The following ANKS1B variants were observed in gnomAD, a reference collection of about 807,000 sequenced individuals.
The protein encoded by ANKS1B is ankyrin repeat and sterile alpha motif domain containing 1B.
Under a neutral mutation model 148.3 loss-of-function variants are expected in ANKS1B, and 36 were observed. The observed-to-expected ratio is 0.24, with a 90% confidence interval of 0.19 to 0.32. ANKS1B has a LOEUF of 0.32. ANKS1B is among the 10% of genes least tolerant of loss of function. ANKS1B has a pLI of 1.00. For synonymous variants in ANKS1B, 542 were observed against 560.8 expected (o/e 0.97, Z 0.47); for missense variants, 1,157 against 1,542.6 (o/e 0.75, Z 4.19).
intron 8 of ANKS1B, among the ~76,000 whole-genome samples, chr12:99,677,628 A>G (rs536809178): frequency 6.6e-6 from 1 of 152,212 alleles, no homozygotes; most frequent in African/African-American, 2.4e-5. Flanking sequence ...TCAAATCTCC[A>G]GCTGCTTATG....
At chr12:99,951,728 A>T (rs1006137557) in intron 1 of ANKS1B, among the ~76,000 whole-genome samples, 4 of 144,774 alleles carry the variant, frequency 2.8e-5, no homozygotes, top group African/African-American at 1.0e-4. Context: ...AAAAAAAAAA[A>T]TTAAAATTAG....
chr12:99,662,250 T>C (rs1326804662), intron 8 of ANKS1B, among the ~76,000 whole-genome samples: 1 of 152,228 alleles, frequency 6.6e-6, no homozygotes, highest in Non-Finnish European at 1.5e-5. Context: ...TTGGAAGGCC[T>C]TCTTGATGCT....
chr12:99,476,411 A>C (rs544768527), intron 10 of ANKS1B, among the ~76,000 whole-genome samples: 6 of 152,260 alleles, frequency 3.9e-5, no homozygotes, highest in African/African-American at 1.2e-4. Context: ...TAATAAAATA[A>C]AAATTGAAAA....
intron 1 of ANKS1B, among the ~76,000 whole-genome samples, chr12:99,859,755 T>C (rs1488443327): frequency 1.3e-5 from 2 of 151,966 alleles, no homozygotes; most frequent in African/African-American, 4.8e-5. Flanking sequence ...CAAGCGATTC[T>C]CCTGCCTCAG....
At chr12:99,534,601 A>G (rs1424758049) in intron 9 of ANKS1B, among the ~76,000 whole-genome samples, 1 of 152,128 alleles carries the variant, frequency 6.6e-6, no homozygotes, top group African/African-American at 2.4e-5. Context: ...ACCTAAAATA[A>G]CTACATTTGC....
chr12:99,417,512 AT>A (rs766479285), intron 11 of ANKS1B, among the ~76,000 whole-genome samples: 4 of 151,286 alleles, frequency 2.6e-5, no homozygotes, highest in South Asian at 4.2e-4. Flanking sequence ...TTCTCTTTCG[AT>A]TTTTTTTTAG....
intron 15 of ANKS1B, among the ~76,000 whole-genome samples, chr12:99,110,774 C>T (rs2060132906): frequency 6.6e-6 from 1 of 151,814 alleles, no homozygotes; most frequent in Non-Finnish European, 1.5e-5. Flanking sequence ...TGAATTTGTA[C>T]TTTTTTTTGT....
In ANKS1B at chr12:99,641,334, T is replaced by C. The variant is rs2098302615; in HGVS notation, c.1272+13733A>G. On this transcript the variant is annotated intron_variant, in intron 9 of 26. Transcript: ENST00000683438. ...CAGAGGGTGAGTTACTTGCCCAAGA[T>C]TTTATGGCCAACAAATAATAGTCAG... is the stretch of plus-strand genomic sequence containing the variant. 5.3e-5 allele frequency among the ~76,000 whole-genome samples: 8 copies of C among 152,322 alleles called. No homozygotes were observed. The South Asian group carries it at 1.7e-3, about 32-fold the overall frequency.
intron 14 of ANKS1B, among the ~76,000 whole-genome samples, chr12:99,211,298 GT>G (rs1476572320): frequency 6.6e-6 from 1 of 152,200 alleles, no homozygotes; most frequent in Non-Finnish European, 1.5e-5. Context: ...CCGAAAGTAA[GT>G]TGTTTATCTG....
At position 99,696,278 on chromosome 12, in the gene ANKS1B, C is replaced by T. The variant is rs77889906; in HGVS notation, c.1129-41068G>A. Among the ~76,000 whole-genome samples, 716 of 152,034 alleles carry T rather than the reference C, an allele frequency of 4.7e-3. 6 individuals are homozygous for T. The highest frequency in any genetic ancestry group is 0.016 in the African/African-American group (672 of 41,442). ...ATGTAGAGTCATTTTATGGAGTCTACGATATATTGTTAAGTGAAAAACAAA... is the reference window on the plus strand; with the variant it reads ...ATGTAGAGTCATTTTATGGAGTCTATGATATATTGTTAAGTGAAAAACAAA... On this transcript the variant is annotated intron_variant, in intron 8 of 26. Transcript: ENST00000683438.
chr12:99,629,777 A>T (rs2098140612), intron 9 of ANKS1B, among the ~76,000 whole-genome samples: 1 of 152,112 alleles, frequency 6.6e-6, no homozygotes, highest in Admixed American at 6.6e-5. Context: ...CCATTTACTG[A>T]GAGCCTACTA....
intron 1 of ANKS1B, among the ~76,000 whole-genome samples, chr12:99,940,234 G>T (rs1300736894): frequency 6.6e-6 from 1 of 152,112 alleles, no homozygotes; most frequent in African/African-American, 2.4e-5. Flanking sequence ...ATCTCTGAGT[G>T]CCCTGTTTGT....
chr12:98,772,993 G>A (rs951151299), intron 25 of ANKS1B, 49 bp downstream of exon 25: 1 of 1,609,230 alleles, frequency 6.2e-7, no homozygotes, highest in Admixed American at 1.7e-5. Context: ...ATACAGTCCA[G>A]GCCCATTCTG....
intron 7 of ANKS1B, among the ~76,000 whole-genome samples, chr12:99,773,462 G>A (rs1015459566): frequency 6.6e-6 from 1 of 151,942 alleles, no homozygotes; most frequent in Non-Finnish European, 1.5e-5. Flanking sequence ...ATTTGAAACG[G>A]TGCTGAGAAA....
intron 9 of ANKS1B, among the ~76,000 whole-genome samples, chr12:99,543,001 T>C (rs903170213): frequency 6.6e-6 from 1 of 152,082 alleles, no homozygotes; most frequent in Non-Finnish European, 1.5e-5. Flanking sequence ...TGTCAAAATT[T>C]AAAACTTTTA....
At chr12:99,581,412 T>C (rs1307429864) in intron 9 of ANKS1B, among the ~76,000 whole-genome samples, 2 of 152,132 alleles carry the variant, frequency 1.3e-5, no homozygotes, top group African/African-American at 2.4e-5. Flanking sequence ...ACTTAAAATG[T>C]AAAATAGACT....
At chr12:99,854,385 C>T (rs540431585) in intron 1 of ANKS1B, among the ~76,000 whole-genome samples, 2 of 152,256 alleles carry the variant, frequency 1.3e-5, no homozygotes, top group East Asian at 3.9e-4. Flanking sequence ...AACAAAGCCT[C>T]CAATAATTTT....
At chr12:99,219,312 T>TA (rs2153933893) in intron 14 of ANKS1B, among the ~76,000 whole-genome samples, 1 of 152,288 alleles carries the variant, frequency 6.6e-6, no homozygotes, top group South Asian at 2.1e-4. Context: ...TTTTACATCC[T>TA]AAAAATGCCC....
At chr12:98,855,204 C>A (rs1383849828) in intron 17 of ANKS1B, among the ~76,000 whole-genome samples, 1 of 152,104 alleles carries the variant, frequency 6.6e-6, no homozygotes, top group African/African-American at 2.4e-5. Flanking sequence ...AAACCATCTC[C>A]TTACAAATTC....
Sources: allele counts gnomAD v4.1 joint callset (sites outside exome capture counted in the v4.1 genomes callset), GRCh38; gene constraint gnomAD v4.1.1; transcripts MANE v1.5; gene names NCBI Gene and HGNC (gene_info 2026-07-23, HGNC 2026-07-21).